The following PPP1R12B variants were observed in gnomAD, a reference collection of about 807,000 sequenced individuals.
PPP1R12B encodes the protein myosin phosphatase target subunit 2.
PPP1R12B carries 76 observed loss-of-function variants against 126.1 expected under a neutral mutation model. That is an observed-to-expected ratio of 0.60 (90% confidence interval 0.50 to 0.73). The LOEUF is 0.73. PPP1R12B is among the 30% of genes least tolerant of loss of function. The pLI is 0.00. For synonymous variants in PPP1R12B, 356 were observed against 434.7 expected (o/e 0.82, Z 2.25); for missense variants, 1,052 against 1,205.1 (o/e 0.87, Z 1.88).
intron 18 of PPP1R12B, among the ~76,000 whole-genome samples, chr1:202,546,094 G>A (rs2148972919): frequency 6.6e-6 from 1 of 152,352 alleles, no homozygotes; most frequent in Middle Eastern, 3.4e-3. Flanking sequence ...GTCAGGACAT[G>A]ATCAGGTCAC....
In PPP1R12B at chr1:202,487,119, C is replaced by T. The variant is rs555944867; in HGVS notation, c.1851-1414C>T. ...CCAAGTTGAGCTTGTCCCAAGAATT[C>T]AGTGTTGCTTTATCATTCAAAAATT... On this transcript the variant is annotated intron_variant, in intron 13 of 23. Coordinates refer to ENST00000608999, the MANE Select transcript of PPP1R12B (RefSeq NM_002481.4). Among the ~76,000 whole-genome samples, 61 of 152,072 alleles carry T rather than the reference C, an allele frequency of 4.0e-4. No individual in the cohort carries two copies. In the South Asian group the frequency reaches 0.012, roughly 31 times the overall value.
chr1:202,362,193 G>A (rs1658341921), intron 1 of PPP1R12B, among the ~76,000 whole-genome samples: 1 of 151,872 alleles, frequency 6.6e-6, no homozygotes, highest in African/African-American at 2.4e-5. Flanking sequence ...AAAACAGATT[G>A]TGTTTGGGTC....
chr1:202,456,277 A>AG (rs971466748), intron 13 of PPP1R12B, among the ~76,000 whole-genome samples: 2 of 151,914 alleles, frequency 1.3e-5, no homozygotes, highest in South Asian at 2.1e-4. Context: ...TCAAAAAAAA[A>AG]AAAGAAAGAA....
intron 18 of PPP1R12B, among the ~76,000 whole-genome samples, chr1:202,549,842 A>G (rs1686132760): frequency 6.6e-6 from 1 of 152,000 alleles, no homozygotes; most frequent in Admixed American, 6.5e-5. Context: ...TGTAAGTACT[A>G]CTCACAAGGC....
chr1:202,486,949 A>G (rs915116208), intron 13 of PPP1R12B, among the ~76,000 whole-genome samples: 2 of 152,264 alleles, frequency 1.3e-5, no homozygotes, highest in Non-Finnish European at 2.9e-5. Context: ...CTCGCAATTC[A>G]TATAACCTTA....
chr1:202,426,425 G>A (rs1244087215), intron 4 of PPP1R12B, among the ~76,000 whole-genome samples: 1 of 152,094 alleles, frequency 6.6e-6, no homozygotes, highest in Admixed American at 6.6e-5. Flanking sequence ...GGGTCTTCAG[G>A]AGTCAAATCT....
intron 1 of PPP1R12B, among the ~76,000 whole-genome samples, chr1:202,390,162 G>T (rs1036928294): frequency 3.3e-5 from 5 of 152,162 alleles, no homozygotes; most frequent in Non-Finnish European, 7.4e-5. Context: ...TATGACAAAG[G>T]TAAGACCATT....
At chr1:202,455,209 G>T (rs79088471) in intron 13 of PPP1R12B, among the ~76,000 whole-genome samples, 3,246 of 65,960 alleles carry the variant, frequency 0.049, 59 homozygotes, top group Middle Eastern at 0.079. Flanking sequence ...TATATATAGA[G>T]AGAGAGAGAG....
intron 13 of PPP1R12B, among the ~76,000 whole-genome samples, chr1:202,457,347 C>T (rs191033689): frequency 5.4e-4 from 82 of 151,970 alleles, no homozygotes; most frequent in African/African-American, 2.0e-3. Context: ...GTCTGGAGTT[C>T]AAGACCAGCC....
chr1:202,548,773 GCTGTCT>G lies in PPP1R12B; in HGVS notation c.2491-10101_2491-10096del, dbSNP rs1281380705. Among the ~76,000 whole-genome samples the G allele has an allele frequency of 2.0e-3, 214 of 106,806 alleles. 6 individuals carry two copies. Among genetic ancestry groups the G allele is most frequent in the Middle Eastern group, 5.4e-3 (1 of 184 alleles). 70.1% of individuals were successfully genotyped at this position (106,806 alleles called of 152,430 possible). A position where few individuals can be genotyped will look rare whatever the true frequency, so the allele number is the denominator to read the frequency against. ...TGATCATGCGCTCGCTCACTCGCTCGCTGTCTCTCTCTCTCTCTCTCTCTCTCTCTC... is the reference window on the plus strand; with the variant it reads ...TGATCATGCGCTCGCTCACTCGCTCGCTCTCTCTCTCTCTCTCTCTCTCTC... On this transcript the variant is annotated intron_variant, in intron 18 of 23. Transcript: ENST00000608999.
At chr1:202,528,851 A>G (rs924718165) in intron 18 of PPP1R12B, among the ~76,000 whole-genome samples, 18 of 152,090 alleles carry the variant, frequency 1.2e-4, no homozygotes, top group African/African-American at 4.1e-4. Context: ...AAATGTATAC[A>G]TATATTTGAA....
chr1:202,492,280 C>T (rs1678975087), intron 14 of PPP1R12B, among the ~76,000 whole-genome samples: 1 of 152,126 alleles, frequency 6.6e-6, no homozygotes, highest in Non-Finnish European at 1.5e-5. Flanking sequence ...GTTCTAGTGC[C>T]TAAAGACACC....
intron 13 of PPP1R12B, among the ~76,000 whole-genome samples, chr1:202,482,920 A>G (rs1677592154): frequency 6.6e-6 from 1 of 152,118 alleles, no homozygotes. Context: ...TGATTCTTGT[A>G]TGTGGTGAGA....
intron 18 of PPP1R12B, among the ~76,000 whole-genome samples, chr1:202,503,201 A>G (rs1427685392): frequency 2.0e-5 from 3 of 152,204 alleles, no homozygotes; most frequent in African/African-American, 7.2e-5. Context: ...TATTCAGGAT[A>G]TATTTTGAAG....
At chr1:202,464,745 C>A (rs1312726008) in intron 13 of PPP1R12B, among the ~76,000 whole-genome samples, 1 of 152,168 alleles carries the variant, frequency 6.6e-6, no homozygotes, top group Admixed American at 6.5e-5. Context: ...TAATAGCATT[C>A]TAAGTCATCA....
chr1:202,533,116 G>A lies in PPP1R12B; in HGVS notation c.2491-25761G>A, dbSNP rs191288137. Among the ~76,000 whole-genome samples the A allele has an allele frequency of 4.0e-4, 61 of 152,092 alleles. 1 individual carries two copies. In the East Asian group the frequency reaches 9.1e-3, roughly 23 times the overall value. Reference sequence around the variant, plus strand: ...ACTCCCGACCTCAGGTGATCTGCCCGCCTCAGCCTCCCAAAGTGCTGGGAT... The same window carrying A: ...ACTCCCGACCTCAGGTGATCTGCCCACCTCAGCCTCCCAAAGTGCTGGGAT... On this transcript the variant is annotated intron_variant, in intron 18 of 23. Transcript: ENST00000608999.
intron 1 of PPP1R12B, among the ~76,000 whole-genome samples, chr1:202,352,280 T>G (rs1275545857): frequency 6.6e-6 from 1 of 152,224 alleles, no homozygotes; most frequent in Non-Finnish European, 1.5e-5. Context: ...TTATTAAGTT[T>G]GACTGTTAGC....
In PPP1R12B at chr1:202,562,732, CTT is replaced by C; in HGVS notation, c.2508-44_2508-43del. 7 of 1,572,708 alleles carry C rather than the reference CTT, an allele frequency of 4.5e-6. No individual in the cohort carries two copies. The South Asian group carries it at 4.5e-5, about 10-fold the overall frequency. On this transcript the variant is annotated intron_variant, in intron 19 of 23. Coordinates refer to ENST00000608999, the MANE Select transcript of PPP1R12B (RefSeq NM_002481.4). The stretch of plus-strand genomic sequence containing the variant: ...CCTGAGCATTACCTTCTCCCCACTA[CTT>C]TGTTCTCAAAACCAATTTTTATCTT...
intron 1 of PPP1R12B, among the ~76,000 whole-genome samples, chr1:202,411,593 T>G (rs1428357145): frequency 1.4e-5 from 2 of 144,684 alleles, no homozygotes; most frequent in African/African-American, 2.5e-5. Flanking sequence ...GTACTTTTTG[T>G]TTTTTTTTTT....
Sources: allele counts gnomAD v4.1 joint callset (sites outside exome capture counted in the v4.1 genomes callset), GRCh38; gene constraint gnomAD v4.1.1; transcripts MANE v1.5; gene names NCBI Gene and HGNC (gene_info 2026-07-23, HGNC 2026-07-21).